ETV1: variants seen among roughly 807,000 people sequenced by gnomAD.
The protein encoded by ETV1 is ETS variant transcription factor 1.
Under a neutral mutation model 62.3 loss-of-function variants are expected in ETV1, and 27 were observed. The observed-to-expected ratio is 0.43, with a 90% confidence interval of 0.32 to 0.60. The LOEUF (loss-of-function observed/expected upper bound fraction) is 0.60, where lower values mean the gene tolerates loss of function less well. Among genes scored for constraint, ETV1 ranks in the 20% least tolerant of loss-of-function variants. The pLI is 0.06. For synonymous variants in ETV1, 222 were observed against 199.6 expected (o/e 1.11, Z -0.94); for missense variants, 605 against 605.8 (o/e 1.00, Z 0.01).
At chr7:13,985,843 T>A (rs898186791) in intron 5 of ETV1, among the ~76,000 whole-genome samples, 2 of 152,174 alleles carry the variant, frequency 1.3e-5, no homozygotes, top group African/African-American at 4.8e-5. Context: ...GTATAAAGCT[T>A]TATGAAGCAA....
At chr7:13,923,273 G>A (rs1347371741) in intron 9 of ETV1, among the ~76,000 whole-genome samples, 1 of 152,202 alleles carries the variant, frequency 6.6e-6, no homozygotes, top group South Asian at 2.1e-4. Flanking sequence ...CTCTGCAAGG[G>A]GAAGCCCAAG....
chr7:13,910,805 A>C (rs1434845715), intron 10 of ETV1, among the ~76,000 whole-genome samples: 5 of 152,232 alleles, frequency 3.3e-5, no homozygotes, highest in South Asian at 2.1e-4. Context: ...TCATTCATAT[A>C]AATTATTTGT....
At chr7:13,903,762 CAAAAAAA>C (rs534972176) in intron 12 of ETV1, among the ~76,000 whole-genome samples, 1 of 93,174 alleles carries the variant, frequency 1.1e-5, no homozygotes, top group Non-Finnish European at 2.3e-5. Context: ...GATTCCATCT[CAAAAAAA>C]AAAAAAAAAA....
At chr7:13,911,644 T>G (rs1783581407) in intron 9 of ETV1, among the ~76,000 whole-genome samples, 1 of 152,214 alleles carries the variant, frequency 6.6e-6, no homozygotes, top group Non-Finnish European at 1.5e-5. Context: ...TCAGGACATT[T>G]AGCAAATAAA....
chr7:13,910,611 A>C (rs2128419623), intron 10 of ETV1: 1 of 190,226 alleles, frequency 5.3e-6, no homozygotes, highest in East Asian at 1.9e-4. Flanking sequence ...AGAGATGTAG[A>C]GTGTTTAGGT....
In ETV1 at chr7:13,894,447, A is replaced by G. The variant is rs1781601458; in HGVS notation, c.*1419T>C. The G allele has an allele frequency of 4.3e-6, 1 of 232,658 alleles. No individual in the cohort carries two copies. Among genetic ancestry groups the G allele is most frequent in the African/African-American group, 2.2e-5 (1 of 45,310 alleles). 14.4% of individuals were successfully genotyped at this position (232,658 alleles called of 1,614,324 possible). On this transcript the variant is annotated 3_prime_UTR_variant, in exon 14 of 14. Transcript: ENST00000430479. ...AGAAGTGTCCAAAAAGAGATGATGGATAATATCAGTGCCAGCACTATGTCA... is the reference window on the plus strand; with the variant it reads ...AGAAGTGTCCAAAAAGAGATGATGGGTAATATCAGTGCCAGCACTATGTCA...
At chr7:13,941,926 C>A (rs1260103849) in intron 6 of ETV1, among the ~76,000 whole-genome samples, 1 of 151,016 alleles carries the variant, frequency 6.6e-6, no homozygotes, top group Non-Finnish European at 1.5e-5. Context: ...AAATTGTCTC[C>A]CATTGTATAT....
intron 6 of ETV1, among the ~76,000 whole-genome samples, chr7:13,948,684 C>A (rs973110481): frequency 5.3e-5 from 8 of 152,082 alleles, no homozygotes; most frequent in Non-Finnish European, 1.0e-4. Context: ...CCATATGGCC[C>A]ACAAAGCGTG....
chr7:13,919,602 A>ACACACACAC (rs1562615240), intron 9 of ETV1, among the ~76,000 whole-genome samples: 1 of 150,712 alleles, frequency 6.6e-6, no homozygotes, highest in East Asian at 1.9e-4. Context: ...ACACACACAC[A>ACACACACAC]AAATAAGAAC....
At chr7:13,931,920 T>A (rs1423560614) in intron 8 of ETV1, among the ~76,000 whole-genome samples, 171 bp from the exon 9 acceptor site, 1 of 152,162 alleles carries the variant, frequency 6.6e-6, no homozygotes, top group Non-Finnish European at 1.5e-5. Context: ...TCTATGTTTT[T>A]TAATCATATG....
In ETV1 at chr7:13,892,077, G is replaced by A. The variant is rs764458873; in HGVS notation, c.*3789C>T. 3.9e-5 allele frequency: 9 copies of A among 232,060 alleles called. No individual in the cohort carries two copies. The highest frequency in any genetic ancestry group is 1.8e-4 in the South Asian group (1 of 5,506). 14.4% of individuals were successfully genotyped at this position (232,060 alleles called of 1,614,324 possible). A position where few individuals can be genotyped will look rare whatever the true frequency, so the allele number is the denominator to read the frequency against. On this transcript the variant is annotated 3_prime_UTR_variant, in exon 14 of 14. Transcript: ENST00000430479. Reference sequence around the variant, plus strand: ...ATATAAAGATAAGTTGACTCATTTTGCAATTGTTCTTTTGAGTAATAGACA... The same window carrying A: ...ATATAAAGATAAGTTGACTCATTTTACAATTGTTCTTTTGAGTAATAGACA...
At chr7:13,966,337 A>C (rs1780282938) in intron 6 of ETV1, among the ~76,000 whole-genome samples, 1 of 152,172 alleles carries the variant, frequency 6.6e-6, no homozygotes, top group Admixed American at 6.5e-5. Context: ...TTGTTAAAAT[A>C]AGTATAAAAT....
intron 12 of ETV1, 134 bp from the exon 13 acceptor site, chr7:13,900,973 A>G (rs1782356649): frequency 3.7e-6 from 2 of 540,530 alleles, no homozygotes; most frequent in South Asian, 6.1e-5. Flanking sequence ...AGCAAGAGCT[A>G]TCGTAATCTG....
chr7:13,911,049 C>T (rs957121370), intron 10 of ETV1, among the ~76,000 whole-genome samples, 190 bp downstream of exon 10: 3 of 152,186 alleles, frequency 2.0e-5, no homozygotes, highest in Non-Finnish European at 2.9e-5. Flanking sequence ...GCATATGACT[C>T]ATGTTAACAA....
At position 13,891,793 on chromosome 7, in the gene ETV1, A is replaced by AT. The variant is rs1781399041; in HGVS notation, c.*4072dup. ...CCACCATCACTTTTACCCAATTTGT[A>AT]TTTTTTTAATAATTCTATTTCCTCT... On this transcript the variant is annotated 3_prime_UTR_variant, in exon 14 of 14. Transcript: ENST00000430479. 8.6e-6 allele frequency: 2 copies of AT among 231,684 alleles called. No individual in the cohort carries two copies. Among genetic ancestry groups the AT allele is most frequent in the Non-Finnish European group, 1.7e-5 (2 of 117,246 alleles). The allele number at this position is 231,684 out of a possible 1,614,324, so 14.4% of individuals were successfully genotyped here.
intron 9 of ETV1, among the ~76,000 whole-genome samples, chr7:13,918,746 G>T (rs1318657168): frequency 6.6e-6 from 1 of 151,326 alleles, no homozygotes; most frequent in East Asian, 2.0e-4. Context: ...ACGGGGGAGG[G>T]ATAGCATTGG....
chr7:13,907,013 T>C (rs1783041811), intron 11 of ETV1, among the ~76,000 whole-genome samples: 1 of 152,202 alleles, frequency 6.6e-6, no homozygotes, highest in Non-Finnish European at 1.5e-5. Flanking sequence ...TCTTAAGCTC[T>C]GGGCATTTGA....
chr7:13,989,822 T>G, upstream of ETV1: 6 of 375,466 alleles, frequency 1.6e-5, no homozygotes, highest in Middle Eastern at 6.8e-4. Context: ...CCCGCGGGTC[T>G]CCCTCGCCCC....
intron 6 of ETV1, among the ~76,000 whole-genome samples, chr7:13,961,106 A>G (rs1790112510): frequency 6.6e-6 from 1 of 152,000 alleles, no homozygotes; most frequent in African/African-American, 2.4e-5. Flanking sequence ...TGATTGCCCC[A>G]CTGCACTCCA....
Sources: allele counts gnomAD v4.1 joint callset (sites outside exome capture counted in the v4.1 genomes callset), GRCh38; gene constraint gnomAD v4.1.1; transcripts MANE v1.5; gene names NCBI Gene and HGNC (gene_info 2026-07-23, HGNC 2026-07-21).